The following ACTR5 variants were observed in gnomAD, a reference collection of about 807,000 sequenced individuals.
ACTR5 encodes the protein actin related protein 5.
Under a neutral mutation model 61.2 loss-of-function variants are expected in ACTR5, and 43 were observed. The ratio of observed to expected loss-of-function variants is 0.70; its 90% CI spans 0.55 to 0.91. The LOEUF (loss-of-function observed/expected upper bound fraction) is 0.91, where lower values mean the gene tolerates loss of function less well. Ranked by LOEUF, ACTR5 falls within the 40% of genes least tolerant of loss-of-function variation. The pLI is 0.00. For missense variants in ACTR5, 798 were observed against 782.2 expected (o/e 1.02, Z -0.24); for synonymous variants, 333 against 310.5 (o/e 1.07, Z -0.76).
rs140974609 is a variant in ACTR5 at position 38,770,942 on chromosome 20, G to A, written c.1567-617G>A. 4.6e-5 allele frequency among the ~76,000 whole-genome samples: 7 copies of A among 152,334 alleles called. No homozygotes were observed. The East Asian group carries it at 9.6e-4, about 21-fold the overall frequency. On this transcript the variant is annotated intron_variant, in intron 8 of 8. Coordinates refer to ENST00000243903, the MANE Select transcript of ACTR5 (RefSeq NM_024855.4). ...GTGAGAGGGAGGTAGGAAGTGAGGC[G>A]GGTAACTCCAGAACACAGGAGGCCC...
At chr20:38,763,672 A>G (rs1485249080) in intron 5 of ACTR5, among the ~76,000 whole-genome samples, 1 of 152,188 alleles carries the variant, frequency 6.6e-6, no homozygotes, top group Non-Finnish European at 1.5e-5. Context: ...ATCTTGGGCA[A>G]GTTACTTCAC....
Position 38,748,921 on chromosome 20 carries a change from T to A in ACTR5, c.375+68T>A, listed in dbSNP as rs2084369566. 2.0e-5 allele frequency: 30 copies of A among 1,517,502 alleles called. No homozygotes were observed. In the South Asian group the frequency reaches 3.8e-4, roughly 19 times the overall value. The allele number at this position is 1,517,502 out of a possible 1,614,324, so 94.0% of individuals were successfully genotyped here. On this transcript the variant is annotated intron_variant, in intron 1 of 8. Transcript: ENST00000243903. ...GGGGTGCGGTCTCGTCTCCGCTCAC[T>A]CTGCTCTCGGAGAGGTAACAGTCAC...
At chr20:38,751,826 G>T (rs1395277237) in intron 2 of ACTR5, among the ~76,000 whole-genome samples, 1 of 152,114 alleles carries the variant, frequency 6.6e-6, no homozygotes, top group African/African-American at 2.4e-5. Context: ...ATTTCCCCCA[G>T]CTAATTCTGG....
chr20:38,757,040 C>T (rs1003625412), intron 5 of ACTR5, among the ~76,000 whole-genome samples: 2 of 152,212 alleles, frequency 1.3e-5, no homozygotes, highest in Non-Finnish European at 1.5e-5. Context: ...ATCCTCCCAC[C>T]TCAGCCTTCT....
chr20:38,755,015 C>G lies in ACTR5; in HGVS notation c.834C>G (p.Leu278=). ...AGAATAATGTCCACAAGATGCAGCT[C>G]CCATTTTCCAGCAAGCTCCTGGGCA... ...YYENNVHKMQ[L]PFSSKLLGST... Residue 278 remains leucine, a synonymous_variant, in exon 4 of 9, where the codon CTC becomes CTG. Transcript: ENST00000243903. 1 of 1,614,216 alleles carries G rather than the reference C, an allele frequency of 6.2e-7. No individual in the cohort carries two copies. Among genetic ancestry groups the G allele is most frequent in the Non-Finnish European group, 8.5e-7 (1 of 1,180,040 alleles).
In ACTR5 at chr20:38,752,147, T is replaced by G. The variant is rs2145664245; in HGVS notation, c.622T>G (p.Cys208Gly). The G allele has an allele frequency of 6.2e-7, 1 of 1,613,618 alleles. No individual in the cohort carries two copies. The highest frequency in any genetic ancestry group is 2.2e-5 in the East Asian group (1 of 44,866). The change falls in exon 3 of 9, where the codon TGC becomes GGC. Residue 208 changes from cysteine to glycine, a missense_variant. Transcript: ENST00000243903. Reference sequence around the variant, plus strand: ...TGGTTATAGATTAGATGCTAAAAACTGCAAGCGCATCAATCTTGGAGGAAG... The same window carrying G: ...TGGTTATAGATTAGATGCTAAAAACGGCAAGCGCATCAATCTTGGAGGAAG... Reference protein sequence around the residue: ...ILEGRLDAKNCKRINLGGSQA... With the variant: ...ILEGRLDAKNGKRINLGGSQA...
intron 3 of ACTR5, among the ~76,000 whole-genome samples, chr20:38,754,382 C>T (rs1328166420): frequency 1.3e-5 from 2 of 152,018 alleles, no homozygotes; most frequent in African/African-American, 4.8e-5. Flanking sequence ...TGTATTTTCT[C>T]CATCTGACCT....
chr20:38,754,760 T>C lies in ACTR5; in HGVS notation c.776-197T>C, dbSNP rs533180763. ...CCCGCCACCACGCATGGCTAATTTT[T>C]TTGTATTTTTAGTAGAGACAGGGTT... On this transcript the variant is annotated intron_variant, in intron 3 of 8. Transcript: ENST00000243903. 5.9e-5 allele frequency among the ~76,000 whole-genome samples: 9 copies of C among 152,044 alleles called. No homozygotes were observed. In the East Asian group the frequency reaches 1.8e-3, roughly 30 times the overall value.
chr20:38,765,119 C>G (rs2084478122), intron 5 of ACTR5, among the ~76,000 whole-genome samples: 1 of 152,168 alleles, frequency 6.6e-6, no homozygotes, highest in Admixed American at 6.5e-5. Flanking sequence ...TCCACGGGGC[C>G]CAGCCATGAG....
rs765115786 is a variant in ACTR5 at position 38,755,064 on chromosome 20, C to G, written c.883C>G (p.Gln295Glu). 40 of 1,614,138 alleles carry G rather than the reference C, an allele frequency of 2.5e-5. No individual in the cohort carries two copies. The highest frequency in any genetic ancestry group is 3.1e-5 in the Non-Finnish European group (36 of 1,180,058). ...LGSTLTSEEK[Q>E]ERRQQQLRRL... Reference sequence around the variant, plus strand: ...CAGCACTCTGACCTCTGAGGAGAAACAAGAAAGGCGGCAGCAGCAATTGCG... The same window carrying G: ...CAGCACTCTGACCTCTGAGGAGAAAGAAGAAAGGCGGCAGCAGCAATTGCG... Residue 295 changes from glutamine to glutamate, a missense_variant, in exon 4 of 9, where the codon CAA becomes GAA. Physicochemically the swap from Gln to Glu is conservative, Grantham distance 29. Coordinates refer to ENST00000243903, the MANE Select transcript of ACTR5 (RefSeq NM_024855.4).
intron 5 of ACTR5, among the ~76,000 whole-genome samples, chr20:38,756,425 A>G (rs1023836787): frequency 6.6e-6 from 1 of 152,162 alleles, no homozygotes; most frequent in Non-Finnish European, 1.5e-5. Flanking sequence ...GATGTTCCCT[A>G]AGGACAGGGA....
chr20:38,761,406 A>G (rs1568636635), intron 5 of ACTR5: 1 of 152,246 alleles, frequency 6.6e-6, no homozygotes, highest in Non-Finnish European at 1.5e-5. Flanking sequence ...ATTGAGCAGG[A>G]GCAGTAAGAG....
intron 5 of ACTR5, among the ~76,000 whole-genome samples, chr20:38,763,190 C>T (rs2084465055): frequency 6.6e-6 from 1 of 152,150 alleles, no homozygotes; most frequent in Admixed American, 6.6e-5. Context: ...GTTCCTGGTT[C>T]CCCCAGATGA....
chr20:38,767,672 C>T, intron 8 of ACTR5, 76 bp downstream of exon 8: 4 of 1,475,582 alleles, frequency 2.7e-6, no homozygotes, highest in Non-Finnish European at 3.7e-6. Context: ...AATAATCATG[C>T]AGAAATATCC....
rs1195711509 is a variant in ACTR5, at chr20:38,766,351, AGAGACTCTTCAGTACATTCTGGACAGGT to A, written c.1413_1433+7del. 6.2e-7 allele frequency: 1 copy of A among 1,612,338 alleles called. No homozygotes were observed. The highest frequency in any genetic ancestry group is 1.7e-4 in the Middle Eastern group (1 of 6,044). ...TAGGAGAAGAACAGGCTGGGATTGCAGAGACTCTTCAGTACATTCTGGACAGGTGAGACAGCGAATCTGCTTTTCCTTC... is the reference window on the plus strand; with the variant it reads ...TAGGAGAAGAACAGGCTGGGATTGCAGAGACAGCGAATCTGCTTTTCCTTC... On this transcript the variant is annotated splice_donor_variant and coding_sequence_variant, in exon 7 of 9. Transcript: ENST00000243903. LOFTEE classifies it high-confidence loss of function.
At chr20:38,767,030 A>G (rs1284232403) in intron 7 of ACTR5, among the ~76,000 whole-genome samples, 1 of 152,232 alleles carries the variant, frequency 6.6e-6, no homozygotes, top group East Asian at 1.9e-4. Flanking sequence ...CTGTTATTAA[A>G]AAAGATAAAA....
rs375244248 is a variant in ACTR5 at position 38,755,147 on chromosome 20, G to A, written c.966G>A (p.Glu322=). 77 of 1,613,094 alleles carry A rather than the reference G, an allele frequency of 4.8e-5. No individual in the cohort carries two copies. Among genetic ancestry groups the A allele is most frequent in the Non-Finnish European group, 5.8e-5 (69 of 1,179,612 alleles). Residue 322 remains glutamate (E), a synonymous_variant, in exon 4 of 9, where the codon GAG becomes GAA. Transcript: ENST00000243903. ...RREEKLQLDQ[E]RLDRLLYVQE... ...AGGAGAAGCTGCAGCTGGATCAGGA[G>A]CGTCTGGACCGACTGCTATATGTGC... is the stretch of plus-strand genomic sequence containing the variant.
At chr20:38,756,750 C>T (rs2084422549) in intron 5 of ACTR5, among the ~76,000 whole-genome samples, 1 of 152,116 alleles carries the variant, frequency 6.6e-6, no homozygotes, top group Non-Finnish European at 1.5e-5. Flanking sequence ...ACTAAAAATA[C>T]AAAATTAGCT....
intron 5 of ACTR5, among the ~76,000 whole-genome samples, chr20:38,757,668 C>T (rs1401072000): frequency 6.6e-6 from 1 of 151,754 alleles, no homozygotes; most frequent in African/African-American, 2.4e-5. Flanking sequence ...GATGGGCTCC[C>T]AGCTGGAGGC....
Sources: allele counts gnomAD v4.1 joint callset (sites outside exome capture counted in the v4.1 genomes callset), GRCh38; gene constraint gnomAD v4.1.1; transcripts MANE v1.5; gene names NCBI Gene and HGNC (gene_info 2026-07-23, HGNC 2026-07-21).